MED12L: variants seen among roughly 807,000 people sequenced by gnomAD.
MED12L encodes mediator of RNA polymerase II transcription subunit 12-like protein.
A neutral mutation model predicts 281.3 loss-of-function variants in MED12L; 60 were observed. The ratio of observed to expected loss-of-function variants is 0.21; its 90% CI spans 0.17 to 0.26. MED12L has a LOEUF of 0.26. Among genes scored for constraint, MED12L ranks in the 10% least tolerant of loss-of-function variants. The pLI is 1.00. For missense variants in MED12L, 2,146 were observed against 2,680.9 expected, an observed-to-expected ratio of 0.80 and a Z score of 4.41; for synonymous variants, 974 against 987.2, an observed-to-expected ratio of 0.99 and a Z score of 0.25.
At position 151,222,236 on chromosome 3, in the gene MED12L, A is replaced by G. The variant is rs1456831885; in HGVS notation, c.2250+28570A>G. Among the ~76,000 whole-genome samples, 3 of 152,168 alleles carry G rather than the reference A, an allele frequency of 2.0e-5. No homozygotes were observed. The East Asian group carries it at 5.8e-4, about 29-fold the overall frequency. ...TTTTACAGGCTCATAGGCGGAAGGG[A>G]CTTGCCTTGTCTGGGATGAGACTCT... On this transcript the variant is annotated intron_variant, in intron 16 of 44. Coordinates refer to ENST00000687756, the MANE Select transcript of MED12L (RefSeq NM_001393769.1).
chr3:151,105,104 C>T (rs899070650), intron 2 of MED12L, among the ~76,000 whole-genome samples: 8 of 152,174 alleles, frequency 5.3e-5, no homozygotes, highest in African/African-American at 1.9e-4. Context: ...CCAGATCCTC[C>T]TCTGCACATC....
intron 16 of MED12L, among the ~76,000 whole-genome samples, chr3:151,313,810 G>A (rs1185577887): frequency 1.3e-5 from 2 of 152,006 alleles, no homozygotes; most frequent in Non-Finnish European, 2.9e-5. Context: ...TATAATCCCA[G>A]CCACTTGGGA....
intron 39 of MED12L, among the ~76,000 whole-genome samples, chr3:151,404,771 T>C (rs1716093352): frequency 6.6e-6 from 1 of 152,220 alleles, no homozygotes; most frequent in African/African-American, 2.4e-5. Context: ...AATTACTAAA[T>C]AAGGATTTGA....
intron 5 of MED12L, among the ~76,000 whole-genome samples, chr3:151,144,899 C>T (rs554240611): frequency 1.3e-5 from 2 of 152,214 alleles, no homozygotes; most frequent in Non-Finnish European, 2.9e-5. Flanking sequence ...CCTTACCCGT[C>T]TTCCTCCAGT....
At chr3:151,321,923 G>T (rs1749044623) in intron 16 of MED12L, among the ~76,000 whole-genome samples, 1 of 151,230 alleles carries the variant, frequency 6.6e-6, no homozygotes, top group Non-Finnish European at 1.5e-5. Context: ...TTTCTATAAG[G>T]ACTTCATATT....
chr3:151,213,429 G>T lies in MED12L; in HGVS notation c.2250+19763G>T, dbSNP rs754128917. 2.5e-6 allele frequency: 4 copies of T among 1,614,138 alleles called. No homozygotes were observed. In the South Asian group the frequency reaches 3.3e-5, roughly 13 times the overall value. ...TTTCCCTAAACGGCTGGCATAGAAA[G>T]AAATAAATAATAGGGTCCAAGCATA... On this transcript the variant is annotated intron_variant, in intron 16 of 44. Coordinates refer to ENST00000687756, the MANE Select transcript of MED12L (RefSeq NM_001393769.1).
At chr3:151,107,741 GT>G (rs1722254374) in intron 2 of MED12L, among the ~76,000 whole-genome samples, 1 of 151,734 alleles carries the variant, frequency 6.6e-6, no homozygotes, top group South Asian at 2.1e-4. Context: ...ACCAGGCACT[GT>G]GCTAAACTCT....
At chr3:151,392,593 A>G (rs1022178914) in intron 38 of MED12L, among the ~76,000 whole-genome samples, 134 of 152,268 alleles carry the variant, frequency 8.8e-4, no homozygotes, top group African/African-American at 3.2e-3. Flanking sequence ...GTTACAAGAC[A>G]GTATGTACAG....
intron 19 of MED12L, 21 bp from the exon 20 acceptor site, chr3:151,357,192 C>A: frequency 6.4e-7 from 1 of 1,556,972 alleles, no homozygotes; most frequent in South Asian, 1.2e-5. Flanking sequence ...CATGTTTATT[C>A]AGTCTTTTCT....
intron 16 of MED12L, among the ~76,000 whole-genome samples, chr3:151,342,616 A>G (rs1341173350): frequency 6.6e-6 from 1 of 152,190 alleles, no homozygotes; most frequent in African/African-American, 2.4e-5. Flanking sequence ...TGGAATAAGA[A>G]TTTTGTTGCC....
chr3:151,151,557 G>A (rs1404710264), intron 5 of MED12L, among the ~76,000 whole-genome samples: 2 of 132,672 alleles, frequency 1.5e-5, no homozygotes, highest in African/African-American at 5.6e-5. Context: ...TTTTAATATT[G>A]TGTCTCAGGA....
chr3:151,322,509 C>T (rs1289148045), intron 16 of MED12L, among the ~76,000 whole-genome samples: 1 of 152,008 alleles, frequency 6.6e-6, no homozygotes, highest in Non-Finnish European at 1.5e-5. Context: ...CCATGGAACT[C>T]TTTTAAACTG....
intron 22 of MED12L, 98 bp from the exon 23 acceptor site, chr3:151,365,751 TG>T (rs1214788958): frequency 5.1e-5 from 55 of 1,084,222 alleles, no homozygotes; most frequent in Non-Finnish European, 6.9e-5. Context: ...GAAAATGACT[TG>T]TTTGATGTTA....
chr3:151,337,863 T>C lies in MED12L; in HGVS notation c.2251-12196T>C. ...TGGGTCACCACCATCCTGTTCTTTT[T>C]TCCTATTGTCCTGGGACAGAGATGT... On this transcript the variant is annotated intron_variant, in intron 16 of 44. Coordinates refer to ENST00000687756, the MANE Select transcript of MED12L (RefSeq NM_001393769.1). 4 of 1,614,150 alleles carry C rather than the reference T, an allele frequency of 2.5e-6. No homozygotes were observed. The South Asian group carries it at 4.4e-5, about 18-fold the overall frequency.
chr3:151,364,958 CT>C lies in MED12L; in HGVS notation c.2958-14del, dbSNP rs747351253. The C allele has an allele frequency of 3.2e-6, 5 of 1,559,860 alleles. No homozygotes were observed. The highest frequency in any genetic ancestry group is 4.4e-6 in the Non-Finnish European group (5 of 1,132,218). On this transcript the variant is annotated intron_variant, in intron 21 of 44. Transcript: ENST00000687756. Reference sequence around the variant, plus strand: ...TTCTAGTTTTATTTTTCTGTTTTAACTTTTTTTCTTATAACCTCAGTAGTGC... The same window carrying C: ...TTCTAGTTTTATTTTTCTGTTTTAACTTTTTTCTTATAACCTCAGTAGTGC...
intron 19 of MED12L, among the ~76,000 whole-genome samples, chr3:151,356,977 C>A (rs1052271584): frequency 6.6e-5 from 10 of 151,960 alleles, no homozygotes; most frequent in Admixed American, 1.3e-4. Flanking sequence ...CTTGCACTGC[C>A]CTGAAGTTTC....
intron 25 of MED12L, among the ~76,000 whole-genome samples, chr3:151,369,003 C>T (rs1229134618): frequency 6.6e-6 from 1 of 152,048 alleles, no homozygotes; most frequent in Non-Finnish European, 1.5e-5. Flanking sequence ...CCTCGTGATC[C>T]ACCTGCCTCG....
intron 16 of MED12L, among the ~76,000 whole-genome samples, chr3:151,194,107 A>G (rs1276325394): frequency 6.6e-6 from 1 of 151,756 alleles, no homozygotes; most frequent in African/African-American, 2.4e-5. Context: ...CTGGGATTAC[A>G]GGCACCTGCC....
intron 2 of MED12L, among the ~76,000 whole-genome samples, chr3:151,101,451 ACT>A (rs1468159342): frequency 6.6e-6 from 1 of 151,838 alleles, no homozygotes; most frequent in African/African-American, 2.4e-5. Flanking sequence ...ATGGAGTTGG[ACT>A]CTCTGAGCCC....
Sources: gnomAD v4.1 joint callset for allele counts (sites outside exome capture counted in the v4.1 genomes callset) on GRCh38, gnomAD v4.1.1 for gene constraint, MANE v1.5 for transcripts, NCBI Gene and HGNC (gene_info 2026-07-23, HGNC 2026-07-21) for gene names.